Variants in PTPRD observed in about 807,000 individuals in gnomAD.
PTPRD encodes the protein receptor-type tyrosine-protein phosphatase delta.
In PTPRD, 34 loss-of-function variants were observed where a neutral mutation model predicts 214.5. The observed-to-expected ratio is 0.16, with a 90% confidence interval of 0.12 to 0.21. The LOEUF (loss-of-function observed/expected upper bound fraction) is 0.21. Among genes scored for constraint, PTPRD ranks in the 10% least tolerant of loss-of-function variants. The probability of loss-of-function intolerance (pLI) is 1.00; values close to 1 mark genes in which losing one functional copy is unlikely to be tolerated. For synonymous variants in PTPRD, 1,128 were observed against 845.7 expected (o/e 1.33, Z -5.79); for missense variants, 2,545 against 2,398.7 (o/e 1.06, Z -1.27).
intron 9 of PTPRD, among the ~76,000 whole-genome samples, chr9:9,381,064 G>A (rs545065238): frequency 3.1e-4 from 47 of 151,818 alleles, no homozygotes; most frequent in African/African-American, 1.0e-3. Flanking sequence ...ATTTTTAATC[G>A]ATAAATGATT....
At chr9:8,736,268 A>G (rs531167062) in intron 11 of PTPRD, among the ~76,000 whole-genome samples, 6 of 152,320 alleles carry the variant, frequency 3.9e-5, no homozygotes, top group Middle Eastern at 3.4e-3. Flanking sequence ...AGAACCCTCA[A>G]TAAATCTAGC....
chr9:9,472,524 C>G (rs371346453), intron 8 of PTPRD, among the ~76,000 whole-genome samples: 41 of 152,100 alleles, frequency 2.7e-4, no homozygotes, highest in African/African-American at 9.2e-4. Flanking sequence ...TCTTTAGGCA[C>G]TTGCAATCTC....
intron 11 of PTPRD, among the ~76,000 whole-genome samples, chr9:8,782,769 T>C (rs572286891): frequency 1.3e-5 from 2 of 152,050 alleles, no homozygotes; most frequent in Admixed American, 6.6e-5. Flanking sequence ...CTAATTTTTA[T>C]ATTTTTAGTA....
intron 7 of PTPRD, among the ~76,000 whole-genome samples, chr9:9,656,594 A>C (rs941808620): frequency 3.3e-5 from 5 of 152,206 alleles, no homozygotes; most frequent in African/African-American, 1.2e-4. Context: ...TATATTTAAA[A>C]GATCCATGAT....
At chr9:8,730,277 G>A (rs368753143) in intron 12 of PTPRD, among the ~76,000 whole-genome samples, 1 of 151,942 alleles carries the variant, frequency 6.6e-6, no homozygotes, top group African/African-American at 2.4e-5. Flanking sequence ...AAAAAAGAAA[G>A]AAATATTGCG....
intron 5 of PTPRD, among the ~76,000 whole-genome samples, 151 bp from the exon 6 acceptor site, chr9:9,767,002 T>G (rs2098711982): frequency 6.6e-6 from 1 of 150,382 alleles, no homozygotes; most frequent in African/African-American, 2.5e-5. Context: ...AAAGATGTCT[T>G]ATCTTTTTTT....
chr9:10,596,844 G>C (rs1019377129), intron 2 of PTPRD, among the ~76,000 whole-genome samples: 7 of 151,540 alleles, frequency 4.6e-5, no homozygotes, highest in African/African-American at 1.5e-4. Context: ...ATAGCATTTT[G>C]TTACACTGCA....
At chr9:10,142,835 T>C (rs1372348827) in intron 3 of PTPRD, among the ~76,000 whole-genome samples, 2 of 143,970 alleles carry the variant, frequency 1.4e-5, no homozygotes, top group African/African-American at 2.6e-5. Flanking sequence ...CGTATGTTTA[T>C]TGTGGCATTA....
At chr9:10,160,378 C>G (rs913336971) in intron 3 of PTPRD, among the ~76,000 whole-genome samples, 2 of 151,892 alleles carry the variant, frequency 1.3e-5, no homozygotes, top group African/African-American at 4.8e-5. Flanking sequence ...AAAAGAAAAG[C>G]CCAGAATCTG....
chr9:9,413,925 G>C (rs536325265), intron 8 of PTPRD, among the ~76,000 whole-genome samples: 2 of 152,252 alleles, frequency 1.3e-5, no homozygotes, highest in East Asian at 3.9e-4. Context: ...GTCCAATTTT[G>C]GACTTTAGGG....
chr9:10,016,678 T>A (rs1447940214), intron 4 of PTPRD, among the ~76,000 whole-genome samples: 1 of 151,670 alleles, frequency 6.6e-6, no homozygotes, highest in Non-Finnish European at 1.5e-5. Context: ...GGGTTGTTTT[T>A]TTTTTCCACA....
intron 10 of PTPRD, among the ~76,000 whole-genome samples, chr9:9,129,338 C>A (rs967961920): frequency 6.6e-6 from 1 of 152,102 alleles, no homozygotes; most frequent in Non-Finnish European, 1.5e-5. Context: ...TGCAGTGAGC[C>A]AAGATTGTGC....
At chr9:8,893,100 G>A (rs759346808) in intron 11 of PTPRD, among the ~76,000 whole-genome samples, 3 of 152,070 alleles carry the variant, frequency 2.0e-5, no homozygotes, top group Admixed American at 6.6e-5. Flanking sequence ...TAATTAGGAT[G>A]CTGAGTAAAG....
intron 5 of PTPRD, among the ~76,000 whole-genome samples, chr9:9,794,159 G>GTA (rs756391831): frequency 0.16 from 7,563 of 46,152 alleles, 218 homozygotes; most frequent in Non-Finnish European, 0.3. Flanking sequence ...ATATGTACAT[G>GTA]TATATATATA....
chr9:8,633,226 C>T (rs2154319787), intron 14 of PTPRD, 91 bp downstream of exon 14: 3 of 1,444,646 alleles, frequency 2.1e-6, no homozygotes, highest in Admixed American at 2.3e-5. Context: ...CATTTAAGCA[C>T]CATCACAATG....
rs556396474 is a variant in PTPRD, at chr9:8,980,818, G to A, written c.-104+37879C>T. ...AAGCCAATCCCTGGGGACTTACGGT[G>A]TACATTTATGAATCATGTAGGGCAA... On this transcript the variant is annotated intron_variant, in intron 11 of 45. Coordinates refer to ENST00000381196, the MANE Select transcript of PTPRD (RefSeq NM_002839.4). 2.0e-5 allele frequency among the ~76,000 whole-genome samples: 3 copies of A among 152,192 alleles called. No homozygotes were observed. In the East Asian group the frequency reaches 5.8e-4, roughly 29 times the overall value.
intron 9 of PTPRD, among the ~76,000 whole-genome samples, chr9:9,381,485 T>G (rs1017232234): frequency 4.0e-5 from 6 of 151,526 alleles, no homozygotes; most frequent in Non-Finnish European, 8.8e-5. Flanking sequence ...TATGGCCTCC[T>G]GTGTAGCTAG....
chr9:8,739,447 TGAGG>T (rs938339452), intron 11 of PTPRD, among the ~76,000 whole-genome samples: 5 of 152,366 alleles, frequency 3.3e-5, no homozygotes, highest in South Asian at 2.1e-4. Flanking sequence ...CTAGTGCGAC[TGAGG>T]AAGTAAAGTT....
intron 3 of PTPRD, among the ~76,000 whole-genome samples, chr9:10,176,669 A>G (rs2099250356): frequency 6.6e-6 from 1 of 151,958 alleles, no homozygotes; most frequent in African/African-American, 2.4e-5. Flanking sequence ...TAGGAAGTGA[A>G]CTACTTTAGG....
Sources: gnomAD v4.1 joint callset for allele counts (sites outside exome capture counted in the v4.1 genomes callset) on GRCh38, gnomAD v4.1.1 for gene constraint, MANE v1.5 for transcripts, NCBI Gene and HGNC (gene_info 2026-07-23, HGNC 2026-07-21) for gene names.